TMEM132D: variants seen among roughly 807,000 people sequenced by gnomAD.
TMEM132D encodes the protein transmembrane protein 132D.
TMEM132D carries 21 observed loss-of-function variants against 62.3 expected under a neutral mutation model. The observed-to-expected ratio is 0.34, with a 90% CI of 0.24 to 0.49. The LOEUF (loss-of-function observed/expected upper bound fraction) is 0.49, where lower values mean the gene tolerates loss of function less well. Ranked by LOEUF, TMEM132D falls within the 20% of genes least tolerant of loss-of-function variation. The pLI is 0.99. For synonymous variants in TMEM132D, 621 were observed against 575.6 expected, an observed-to-expected ratio of 1.08 and a Z score of -1.13; for missense variants, 1,346 against 1,402.8, an observed-to-expected ratio of 0.96 and a Z score of 0.65.
chr12:129,420,605 C>G (rs1255288580), intron 3 of TMEM132D, among the ~76,000 whole-genome samples: 3 of 152,126 alleles, frequency 2.0e-5, no homozygotes, highest in Admixed American at 2.0e-4. Flanking sequence ...ATCTGAAGTC[C>G]TGCAGGAAGT....
intron 3 of TMEM132D, among the ~76,000 whole-genome samples, chr12:129,343,437 G>A (rs1187257593): frequency 1.4e-5 from 2 of 147,976 alleles, no homozygotes; most frequent in Admixed American, 6.7e-5. Flanking sequence ...GGGGTGGGGG[G>A]ATGGGGGAGG....
At chr12:129,155,602 T>C (rs979849234) in intron 5 of TMEM132D, among the ~76,000 whole-genome samples, 8 of 152,200 alleles carry the variant, frequency 5.3e-5, no homozygotes, top group African/African-American at 1.9e-4. Context: ...AAGCCCAATA[T>C]TAAGGTGCTG....
Position 129,772,877 on chromosome 12 carries a change from C to G in TMEM132D, c.80-72179G>C, listed in dbSNP as rs538701039. Among the ~76,000 whole-genome samples, 7 of 152,358 alleles carry G rather than the reference C, an allele frequency of 4.6e-5. No individual in the cohort carries two copies. In the South Asian group the frequency reaches 1.4e-3, roughly 32 times the overall value. On this transcript the variant is annotated intron_variant, in intron 1 of 8. Coordinates refer to ENST00000422113, the MANE Select transcript of TMEM132D (RefSeq NM_133448.3). The stretch of plus-strand genomic sequence containing the variant: ...AACTCCTGGCTCGGACTTCCTCCCA[C>G]ATCATTTATCTTTTTTAGCATCTTT...
At chr12:129,782,853 G>A (rs1489355867) in intron 1 of TMEM132D, among the ~76,000 whole-genome samples, 3 of 147,700 alleles carry the variant, frequency 2.0e-5, no homozygotes, top group South Asian at 2.1e-4. Flanking sequence ...CCCTCGAGGC[G>A]TAGGAGGCAG....
intron 2 of TMEM132D, among the ~76,000 whole-genome samples, chr12:129,549,462 A>T (rs1261145120): frequency 3.3e-5 from 5 of 151,786 alleles, no homozygotes; most frequent in African/African-American, 1.2e-4. Context: ...GTCTCATGGG[A>T]TCTGATGGTT....
chr12:129,473,761 G>A (rs1476433332), intron 3 of TMEM132D, among the ~76,000 whole-genome samples: 1 of 152,200 alleles, frequency 6.6e-6, no homozygotes, highest in African/African-American at 2.4e-5. Flanking sequence ...AAAAAATTGT[G>A]TGATTCACTT....
Position 129,700,714 on chromosome 12 carries a change from C to T in TMEM132D, c.80-16G>A, listed in dbSNP as rs759219067. 2.5e-6 allele frequency: 4 copies of T among 1,591,510 alleles called. No individual in the cohort carries two copies. The highest frequency in any genetic ancestry group is 2.7e-5 in the African/African-American group (2 of 74,480). On this transcript the variant is annotated splice_polypyrimidine_tract_variant and intron_variant, in intron 1 of 8. Transcript: ENST00000422113. ...CCTTCCGTCACTGTGGGGAGGGAAT[C>T]GCAGTGCAGGCGTTAGTAATGCTAA...
chr12:129,775,534 A>C (rs1870893876), intron 1 of TMEM132D, among the ~76,000 whole-genome samples: 1 of 152,210 alleles, frequency 6.6e-6, no homozygotes, highest in African/African-American at 2.4e-5. Flanking sequence ...ATCCGTTAGC[A>C]TGTCTGTGAC....
At chr12:129,291,545 G>A (rs1566023516) in intron 4 of TMEM132D, among the ~76,000 whole-genome samples, 4 of 152,164 alleles carry the variant, frequency 2.6e-5, no homozygotes, top group Admixed American at 2.6e-4. Flanking sequence ...CAACTTTCAA[G>A]GAACTTAATT....
chr12:129,191,682 A>G (rs1195384317), intron 5 of TMEM132D, among the ~76,000 whole-genome samples: 30 of 151,858 alleles, frequency 2.0e-4, no homozygotes, highest in Admixed American at 2.0e-3. Context: ...ATATCTCTAT[A>G]TCTCCTATTT....
chr12:129,422,726 G>C (rs1474648542), intron 3 of TMEM132D, among the ~76,000 whole-genome samples: 1 of 152,104 alleles, frequency 6.6e-6, no homozygotes, highest in Non-Finnish European at 1.5e-5. Flanking sequence ...GTAAGGATAA[G>C]TGCAGAATTA....
In TMEM132D at chr12:129,465,881, C is replaced by T. The variant is rs941019696; in HGVS notation, c.1115+65178G>A. Among the ~76,000 whole-genome samples, 27 of 152,248 alleles carry T rather than the reference C, an allele frequency of 1.8e-4. 1 individual carries two copies. The highest frequency in any genetic ancestry group is 6.0e-4 in the African/African-American group (25 of 41,556). ...TATTTTTAGTAGAGATGGGGTTTCA[C>T]CACGTTGGCCAGGCTGGTGTCGAAT... On this transcript the variant is annotated intron_variant, in intron 3 of 8. Coordinates refer to ENST00000422113, the MANE Select transcript of TMEM132D (RefSeq NM_133448.3).
At chr12:129,476,004 G>A (rs1267967509) in intron 3 of TMEM132D, among the ~76,000 whole-genome samples, 1 of 152,232 alleles carries the variant, frequency 6.6e-6, no homozygotes, top group African/African-American at 2.4e-5. Context: ...GTAAGCGGGT[G>A]TTCCCTCTCC....
chr12:129,444,109 C>T (rs1192331167), intron 3 of TMEM132D, among the ~76,000 whole-genome samples: 1 of 152,116 alleles, frequency 6.6e-6, no homozygotes, highest in Non-Finnish European at 1.5e-5. Context: ...GAAAAATTCA[C>T]TCAAGATGGA....
chr12:129,368,600 A>G (rs1322353178), intron 3 of TMEM132D, among the ~76,000 whole-genome samples: 1 of 150,404 alleles, frequency 6.6e-6, no homozygotes, highest in Non-Finnish European at 1.5e-5. Context: ...TTTTTTTTAC[A>G]CTCCACCATA....
intron 8 of TMEM132D, among the ~76,000 whole-genome samples, chr12:129,076,907 AAGCCTCAGGTT>A (rs1429981868): frequency 6.6e-6 from 1 of 152,082 alleles, no homozygotes; most frequent in Non-Finnish European, 1.5e-5. Context: ...AGACAGAGAA[AAGCCTCAGGTT>A]ATTTCTTCAT....
At chr12:129,149,362 T>C (rs1227035808) in intron 5 of TMEM132D, among the ~76,000 whole-genome samples, 5 of 152,012 alleles carry the variant, frequency 3.3e-5, no homozygotes, top group Non-Finnish European at 5.9e-5. Flanking sequence ...ACCTGCACGT[T>C]CTGCACGTGT....
chr12:129,486,736 T>C (rs1031988354), intron 3 of TMEM132D, among the ~76,000 whole-genome samples: 1 of 152,188 alleles, frequency 6.6e-6, no homozygotes, highest in African/African-American at 2.4e-5. Flanking sequence ...CTCACTTGTT[T>C]ACCAATTCTT....
At chr12:129,668,856 A>T (rs1880438220) in intron 2 of TMEM132D, among the ~76,000 whole-genome samples, 1 of 152,220 alleles carries the variant, frequency 6.6e-6, no homozygotes, top group Non-Finnish European at 1.5e-5. Context: ...CAAGAATCAA[A>T]GTTGACTTAT....
Sources: gnomAD v4.1 joint callset for allele counts (sites outside exome capture counted in the v4.1 genomes callset) on GRCh38, gnomAD v4.1.1 for gene constraint, MANE v1.5 for transcripts, NCBI Gene and HGNC (gene_info 2026-07-23, HGNC 2026-07-21) for gene names.